Variants in PRELID2 observed in about 807,000 individuals in gnomAD.
The protein encoded by PRELID2 is PRELI domain containing 2.
A neutral mutation model predicts 28.4 loss-of-function variants in PRELID2; 25 were observed. The observed-to-expected ratio is 0.88, with a 90% CI of 0.64 to 1.23. PRELID2 has a LOEUF of 1.23. Among genes scored for constraint, PRELID2 ranks in the 50% most tolerant of loss-of-function variants. The pLI, the probability that PRELID2 is intolerant of heterozygous loss-of-function variation, is 0.00. For synonymous variants in PRELID2, 76 were observed against 71.6 expected, an observed-to-expected ratio of 1.06 and a Z score of -0.31; for missense variants, 201 against 214.4, an observed-to-expected ratio of 0.94 and a Z score of 0.39.
chr5:145,341,635 T>G, the PRELID2 span, among the ~76,000 whole-genome samples: 1 of 150,994 alleles, frequency 6.6e-6, no homozygotes, highest in Admixed American at 6.6e-5. Flanking sequence ...AAATTTAAAG[T>G]CTTCAATAAT....
chr5:145,666,613 T>C (rs1480213670), intron 1 of PRELID2, among the ~76,000 whole-genome samples: 2 of 152,056 alleles, frequency 1.3e-5, no homozygotes, highest in African/African-American at 2.4e-5. Flanking sequence ...TCAAGGACAA[T>C]AGAAGGACAA....
chr5:145,270,388 C>T, the PRELID2 span, among the ~76,000 whole-genome samples: 79 of 152,070 alleles, frequency 5.2e-4, 3 homozygotes, highest in Middle Eastern at 0.01. Context: ...TGGAATATTA[C>T]TCAGGAATAA....
At chr5:145,582,491 C>G (rs530481933) in intron 1 of PRELID2, among the ~76,000 whole-genome samples, 1 of 151,940 alleles carries the variant, frequency 6.6e-6, no homozygotes, top group Non-Finnish European at 1.5e-5. Flanking sequence ...ACCCCTCCCC[C>G]AACACATGGG....
chr5:145,286,715 TGTTTG>T, the PRELID2 span, among the ~76,000 whole-genome samples: 1 of 64,910 alleles, frequency 1.5e-5, no homozygotes, highest in African/African-American at 7.5e-5. Context: ...TTTTTTTGTT[TGTTTG>T]TTTGTTTTTT....
intron 1 of PRELID2, among the ~76,000 whole-genome samples, chr5:145,572,145 T>C (rs919854378): frequency 2.6e-5 from 4 of 152,212 alleles, no homozygotes; most frequent in African/African-American, 9.6e-5. Flanking sequence ...TTTAGATAAA[T>C]TGGTTGAAAA....
chr5:145,656,139 A>C (rs1333280540), intron 1 of PRELID2, among the ~76,000 whole-genome samples: 1 of 152,260 alleles, frequency 6.6e-6, no homozygotes, highest in East Asian at 1.9e-4. Flanking sequence ...CAACCAACAG[A>C]CACATGAAAA....
chr5:145,608,216 C>T (rs1753537950), intron 1 of PRELID2, among the ~76,000 whole-genome samples: 1 of 152,154 alleles, frequency 6.6e-6, no homozygotes, highest in Non-Finnish European at 1.5e-5. Flanking sequence ...ATTTGCCACT[C>T]TGTGCCTTTT....
chr5:145,605,783 G>A (rs1209859031), intron 1 of PRELID2, among the ~76,000 whole-genome samples: 1 of 151,890 alleles, frequency 6.6e-6, no homozygotes, highest in Non-Finnish European at 1.5e-5. Flanking sequence ...GAAGAATGAA[G>A]AATGATGAAT....
At chr5:145,679,991 A>G (rs73302023) in intron 1 of PRELID2, among the ~76,000 whole-genome samples, 2,347 of 152,088 alleles carry the variant, frequency 0.015, 62 homozygotes, top group African/African-American at 0.054. Context: ...CAATGTTTGT[A>G]TTAATAATAT....
At chr5:145,307,110 G>A in the PRELID2 span, among the ~76,000 whole-genome samples, 2 of 152,136 alleles carry the variant, frequency 1.3e-5, no homozygotes, top group Non-Finnish European at 2.9e-5. Context: ...CCTTGCTTCT[G>A]TTGCTAAGTC....
chr5:145,790,891 GTATATATA>G (rs3038407), intron 5 of PRELID2, among the ~76,000 whole-genome samples: 1 of 141,394 alleles, frequency 7.1e-6, no homozygotes, highest in African/African-American at 2.6e-5. Flanking sequence ...TCACTTCTGG[GTATATATA>G]TATATATATA....
chr5:145,631,050 A>C (rs1233403731), intron 1 of PRELID2, among the ~76,000 whole-genome samples: 1 of 152,224 alleles, frequency 6.6e-6, no homozygotes, highest in Non-Finnish European at 1.5e-5. Context: ...AGGATCATGG[A>C]GATAATCAAA....
At chr5:145,231,158 C>T in the PRELID2 span, among the ~76,000 whole-genome samples, 1 of 152,044 alleles carries the variant, frequency 6.6e-6, no homozygotes, top group East Asian at 1.9e-4. Flanking sequence ...CAGGCTTTTG[C>T]TATATTCTGC....
At chr5:145,755,872 G>A (rs919510475), downstream of PRELID2, among the ~76,000 whole-genome samples, 2 of 152,070 alleles carry the variant, frequency 1.3e-5, no homozygotes, top group Admixed American at 1.3e-4. Context: ...GCATTAACAG[G>A]GTGTGGACAA....
chr5:145,723,599 T>C (rs1756051535), intron 1 of PRELID2, among the ~76,000 whole-genome samples: 1 of 152,212 alleles, frequency 6.6e-6, no homozygotes, highest in African/African-American at 2.4e-5. Flanking sequence ...TATGAAACTA[T>C]TTTAATTTTA....
At chr5:145,628,016 T>C (rs998590631) in intron 1 of PRELID2, among the ~76,000 whole-genome samples, 1 of 152,214 alleles carries the variant, frequency 6.6e-6, no homozygotes, top group South Asian at 2.1e-4. Context: ...AACATCCTTA[T>C]TATGCCTGAT....
At chr5:145,525,436 A>G (rs1050491255) in intron 1 of PRELID2, among the ~76,000 whole-genome samples, 4 of 152,134 alleles carry the variant, frequency 2.6e-5, no homozygotes, top group Admixed American at 6.6e-5. Flanking sequence ...AATAATATGG[A>G]GTTGAGGGTT....
intron 1 of PRELID2, among the ~76,000 whole-genome samples, chr5:145,501,377 A>G (rs1345459421): frequency 6.6e-6 from 1 of 152,130 alleles, no homozygotes; most frequent in East Asian, 1.9e-4. Flanking sequence ...AAATCTGTCT[A>G]TTCTGTAGGG....
chr5:145,731,817 A>G (rs552088173), intron 1 of PRELID2, among the ~76,000 whole-genome samples: 2 of 152,192 alleles, frequency 1.3e-5, no homozygotes, highest in Non-Finnish European at 2.9e-5. Flanking sequence ...CCCTGATTCC[A>G]GGGGGAAATC....
Sources: allele counts gnomAD v4.1 joint callset (sites outside exome capture counted in the v4.1 genomes callset), GRCh38; gene constraint gnomAD v4.1.1; transcripts MANE v1.5; gene names NCBI Gene and HGNC (gene_info 2026-07-23, HGNC 2026-07-21).